SEMA4D: variants seen among roughly 807,000 people sequenced by gnomAD.
The protein encoded by SEMA4D is semaphorin 4D.
In SEMA4D, 22 loss-of-function variants were observed where a neutral mutation model predicts 74.8. The ratio of observed to expected loss-of-function variants is 0.29; its 90% CI spans 0.21 to 0.42. SEMA4D has a LOEUF of 0.42. SEMA4D is among the 10% of genes least tolerant of loss of function. SEMA4D has a pLI of 1.00. For missense variants in SEMA4D, 937 were observed against 1,118.4 expected, an observed-to-expected ratio of 0.84 and a Z score of 2.31; for synonymous variants, 445 against 463.7, an observed-to-expected ratio of 0.96 and a Z score of 0.52.
intron 1 of SEMA4D, among the ~76,000 whole-genome samples, chr9:89,475,826 T>C (rs1861606805): frequency 6.6e-6 from 1 of 151,970 alleles, no homozygotes; most frequent in Non-Finnish European, 1.5e-5. Context: ...CTTGCACAAA[T>C]ATTTTTTTTC....
downstream of SEMA4D, chr9:89,376,900 G>A (rs1317932778): frequency 6.4e-6 from 10 of 1,550,914 alleles, no homozygotes; most frequent in Non-Finnish European, 7.8e-6. Flanking sequence ...CACTCAGGAA[G>A]GGCGGCAGCA....
chr9:89,389,798 TTC>T lies in SEMA4D; in HGVS notation c.775-753_775-752del, dbSNP rs149434767. Among the ~76,000 whole-genome samples, 1,140 of 152,328 alleles carry T rather than the reference TTC, an allele frequency of 7.5e-3. 8 individuals are homozygous for T. Among genetic ancestry groups the T allele is most frequent in the East Asian group, 0.025 (130 of 5,188 alleles). ...TGCTGTGTGATTACAGGAGCCCAAA[TTC>T]TCTTTTTGATAAAAGGACTTCATTT... On this transcript the variant is annotated intron_variant, in intron 9 of 15. Transcript: ENST00000422704.
intron 16 of SEMA4D, among the ~76,000 whole-genome samples, chr9:89,371,205 TGTG>T (rs1478020640): frequency 3.1e-5 from 2 of 65,100 alleles, no homozygotes; most frequent in African/African-American, 1.2e-4. Context: ...GTATCTGGGG[TGTG>T]GTGTGTGGGG....
intron 1 of SEMA4D, among the ~76,000 whole-genome samples, chr9:89,497,715 G>C (rs1312432589): frequency 6.6e-6 from 1 of 151,362 alleles, no homozygotes; most frequent in African/African-American, 2.4e-5. Context: ...GGCGTCCCAG[G>C]AGGGGCCCCG....
chr9:89,449,775 C>T lies in SEMA4D; in HGVS notation c.-244+6113G>A, dbSNP rs1330139549. Reference sequence around the variant, plus strand: ...CAAGAAAGAAAAAGAGATGAAGAAACGTATTGCTTTTCCCACCAGCATTTT... The same window carrying T: ...CAAGAAAGAAAAAGAGATGAAGAAATGTATTGCTTTTCCCACCAGCATTTT... On this transcript the variant is annotated intron_variant, in intron 2 of 15. Transcript: ENST00000422704. The T allele has an allele frequency of 1.2e-5, 18 of 1,505,176 alleles. No individual in the cohort carries two copies. The East Asian group carries it at 1.6e-4, about 13-fold the overall frequency. The allele number at this position is 1,505,176 out of a possible 1,614,324, so 93.2% of individuals were successfully genotyped here. A position where few individuals can be genotyped will look rare whatever the true frequency, so the allele number is the denominator to read the frequency against.
Position 89,378,088 on chromosome 9 carries a change from C to G in SEMA4D, c.*616G>C, listed in dbSNP as rs1183141659. The stretch of plus-strand genomic sequence containing the variant: ...GAAGTTTATCCCTGAGAATCTTAAG[C>G]AACGTAAGCCGTATTTTATGCCAAA... On this transcript the variant is annotated 3_prime_UTR_variant, in exon 16 of 16. Coordinates refer to ENST00000422704, the MANE Select transcript of SEMA4D (RefSeq NM_001371194.2). 6.6e-6 allele frequency: 1 copy of G among 152,294 alleles called. No individual in the cohort carries two copies. Among genetic ancestry groups the G allele is most frequent in the Non-Finnish European group, 1.5e-5 (1 of 67,998 alleles). The allele number at this position is 152,294 out of a possible 1,614,324, so 9.4% of individuals were successfully genotyped here. A position where few individuals can be genotyped will look rare whatever the true frequency, so the allele number is the denominator to read the frequency against.
intron 1 of SEMA4D, among the ~76,000 whole-genome samples, chr9:89,463,105 CTT>C (rs1372090314): frequency 6.6e-6 from 1 of 151,992 alleles, no homozygotes; most frequent in Non-Finnish European, 1.5e-5. Context: ...CTGGCACTCT[CTT>C]CTCTGCATCC....
intron 2 of SEMA4D, chr9:89,418,566 T>C: frequency 3.4e-6 from 1 of 296,850 alleles, no homozygotes; most frequent in Non-Finnish European, 5.0e-6. Context: ...ACTAAAGAGC[T>C]GTTCATCTTC....
At chr9:89,385,877 C>T (rs887336677) in intron 13 of SEMA4D, 1 of 435,094 alleles carries the variant, frequency 2.3e-6, no homozygotes, top group Non-Finnish European at 3.0e-6. Context: ...CCCGCCCACC[C>T]ACCCCTGCCA....
In SEMA4D at chr9:89,452,172, GGTTTTTTTT is replaced by G. The variant is rs937865683; in HGVS notation, c.-244+3707_-244+3715del. On this transcript the variant is annotated intron_variant, in intron 2 of 15. Transcript: ENST00000422704. Reference sequence around the variant, plus strand: ...GCTAGTACCCTCTATGTCCTGTCTTGGTTTTTTTTGTTTTTTTTTTTTTTGAGATGGAGT... The same window carrying G: ...GCTAGTACCCTCTATGTCCTGTCTTGGTTTTTTTTTTTTTTGAGATGGAGT... 2.9e-4 allele frequency among the ~76,000 whole-genome samples: 32 copies of G among 111,036 alleles called. 1 individual carries two copies. Among genetic ancestry groups the G allele is most frequent in the African/African-American group, 1.2e-3 (29 of 24,762 alleles). The allele number at this position is 111,036 out of a possible 152,430, so 72.8% of individuals were successfully genotyped here.
intron 2 of SEMA4D, among the ~76,000 whole-genome samples, chr9:89,440,867 G>A (rs1851534663): frequency 6.6e-6 from 1 of 152,230 alleles, no homozygotes; most frequent in South Asian, 2.1e-4. Context: ...CAGGAGACAA[G>A]CTGGCCTGGT....
At chr9:89,420,340 A>C (rs1489995825) in intron 2 of SEMA4D, among the ~76,000 whole-genome samples, 1 of 152,138 alleles carries the variant, frequency 6.6e-6, no homozygotes, top group Non-Finnish European at 1.5e-5. Context: ...GCAAACCCAC[A>C]CTTCTCATGT....
chr9:89,389,496 G>A (rs985528179), intron 9 of SEMA4D, among the ~76,000 whole-genome samples: 1 of 152,248 alleles, frequency 6.6e-6, no homozygotes, highest in Non-Finnish European at 1.5e-5. Context: ...CACCGGCCCT[G>A]CAGCCTGTCT....
At chr9:89,450,586 A>AT in intron 2 of SEMA4D, 1 of 908,938 alleles carries the variant, frequency 1.1e-6, no homozygotes, top group Non-Finnish European at 1.8e-6. Context: ...CCTGACCTCT[A>AT]TAAGTCTGAG....
intron 1 of SEMA4D, among the ~76,000 whole-genome samples, chr9:89,496,443 T>C (rs1826018115): frequency 6.6e-6 from 1 of 152,152 alleles, no homozygotes; most frequent in Non-Finnish European, 1.5e-5. Context: ...ACCAGTGATG[T>C]GTTTCTATTT....
chr9:89,377,330 A>C lies in SEMA4D; in HGVS notation c.*1374T>G. 6.2e-5 allele frequency: 21 copies of C among 336,550 alleles called. No individual in the cohort carries two copies. The highest frequency in any genetic ancestry group is 1.1e-4 in the East Asian group (2 of 18,910). 20.8% of individuals were successfully genotyped at this position (336,550 alleles called of 1,614,324 possible). A position where few individuals can be genotyped will look rare whatever the true frequency, so the allele number is the denominator to read the frequency against. Reference sequence around the variant, plus strand: ...ACAAGGTAAATCTTATAAAACACAAATGTTTACACCAAAATGGTCAAATCC... The same window carrying C: ...ACAAGGTAAATCTTATAAAACACAACTGTTTACACCAAAATGGTCAAATCC... On this transcript the variant is annotated 3_prime_UTR_variant, in exon 16 of 16. Transcript: ENST00000422704.
chr9:89,482,908 T>C (rs1310791211), intron 1 of SEMA4D, among the ~76,000 whole-genome samples: 1 of 152,168 alleles, frequency 6.6e-6, no homozygotes, highest in African/African-American at 2.4e-5. Flanking sequence ...ATGTGCTAAT[T>C]ATTAAATGAC....
chr9:89,370,352 TTGTGGTGTATCTGTACGTA>T (rs371943688), intron 16 of SEMA4D, among the ~76,000 whole-genome samples: 3,952 of 150,246 alleles, frequency 0.026, 180 homozygotes, highest in African/African-American at 0.092. Context: ...GTGGTGTATA[TTGTGGTGTATCTGTACGTA>T]TGTGGTGTAT....
chr9:89,454,088 T>C (rs751384935), intron 2 of SEMA4D, among the ~76,000 whole-genome samples: 4 of 152,118 alleles, frequency 2.6e-5, no homozygotes, highest in Non-Finnish European at 5.9e-5. Flanking sequence ...CGATAGAATA[T>C]ATGACTTAAT....
Sources: allele counts gnomAD v4.1 joint callset (sites outside exome capture counted in the v4.1 genomes callset), GRCh38; gene constraint gnomAD v4.1.1; transcripts MANE v1.5; gene names NCBI Gene and HGNC (gene_info 2026-07-23, HGNC 2026-07-21).